Variants in MLLT3 observed in about 807,000 individuals in gnomAD.
The protein encoded by MLLT3 is MLLT3 super elongation complex subunit, also known as protein AF-9.
Under a neutral mutation model 53.2 loss-of-function variants are expected in MLLT3, and 4 were observed. That is an observed-to-expected ratio of 0.08 (90% CI 0.04 to 0.17). The LOEUF is 0.17. MLLT3 is among the 10% of genes least tolerant of loss of function. MLLT3 has a pLI of 1.00. For missense variants in MLLT3, 569 were observed against 684.0 expected (o/e 0.83, Z 1.87); for synonymous variants, 283 against 230.6 (o/e 1.23, Z -2.06).
intron 2 of MLLT3, among the ~76,000 whole-genome samples, chr9:20,463,195 T>C (rs1255473318): frequency 1.3e-5 from 2 of 152,082 alleles, no homozygotes; most frequent in Admixed American, 6.6e-5. Flanking sequence ...ATCTTAATGA[T>C]GATACATAAA....
rs34889625 is a variant in MLLT3 at position 20,372,554 on chromosome 9, A to AT, written c.1126-6811dup. Among the ~76,000 whole-genome samples the AT allele has an allele frequency of 2.9e-3, 236 of 82,226 alleles. 8 individuals carry two copies. Among genetic ancestry groups the AT allele is most frequent in the African/African-American group, 5.6e-3 (119 of 21,384 alleles). The allele number at this position is 82,226 out of a possible 152,430, so 53.9% of individuals were successfully genotyped here. A position where few individuals can be genotyped will look rare whatever the true frequency, so the allele number is the denominator to read the frequency against. On this transcript the variant is annotated intron_variant, in intron 5 of 10. Transcript: ENST00000380338. ...AGGCACCCGCCACCACGCCCGGCTA[A>AT]TTTTTTTTTTTTTTTTTTTTTTTTT...
intron 2 of MLLT3, among the ~76,000 whole-genome samples, chr9:20,607,239 C>T (rs1820594221): frequency 6.6e-6 from 1 of 152,070 alleles, no homozygotes; most frequent in South Asian, 2.1e-4. Context: ...AGTTTTAAAA[C>T]AATTACTTAA....
At chr9:20,401,561 T>C (rs1430171045) in intron 5 of MLLT3, among the ~76,000 whole-genome samples, 2 of 152,202 alleles carry the variant, frequency 1.3e-5, no homozygotes, top group African/African-American at 2.4e-5. Flanking sequence ...ATACTTTCCA[T>C]ATGCTTCTAA....
chr9:20,514,754 T>C (rs1419107451), intron 2 of MLLT3, among the ~76,000 whole-genome samples: 1 of 152,124 alleles, frequency 6.6e-6, no homozygotes, highest in African/African-American at 2.4e-5. Flanking sequence ...AGGAGTCGTT[T>C]GAGGAAATCA....
intron 10 of MLLT3, among the ~76,000 whole-genome samples, chr9:20,350,594 C>CAAA (rs774973521): frequency 1.6e-5 from 2 of 123,966 alleles, no homozygotes; most frequent in Non-Finnish European, 1.5e-5. Flanking sequence ...GACTCCGTCT[C>CAAA]AAAAAAAGAA....
rs184027308 is a variant in MLLT3 at position 20,476,032 on chromosome 9, T to G, written c.194-19246A>C. ...TTTATTTGATTCAAAAACAGGAAAA[T>G]TATTGTCTCAACATTAATGCGCTGT... On this transcript the variant is annotated intron_variant, in intron 2 of 10. Coordinates refer to ENST00000380338, the MANE Select transcript of MLLT3 (RefSeq NM_004529.4). Among the ~76,000 whole-genome samples, 114 of 152,162 alleles carry G rather than the reference T, an allele frequency of 7.5e-4. 1 individual carries two copies. In the South Asian group the frequency reaches 0.017, roughly 23 times the overall value.
intron 2 of MLLT3, among the ~76,000 whole-genome samples, chr9:20,478,394 T>C (rs902508297): frequency 6.6e-6 from 1 of 152,166 alleles, no homozygotes; most frequent in African/African-American, 2.4e-5. Flanking sequence ...AAACAATACC[T>C]GGCACAGAAG....
At chr9:20,483,426 T>C (rs1332091065) in intron 2 of MLLT3, among the ~76,000 whole-genome samples, 1 of 151,162 alleles carries the variant, frequency 6.6e-6, no homozygotes, top group African/African-American at 2.4e-5. Flanking sequence ...ACTTTAAGGA[T>C]CTCACTATGT....
chr9:20,481,071 T>G (rs1824650717), intron 2 of MLLT3, among the ~76,000 whole-genome samples: 3 of 152,170 alleles, frequency 2.0e-5, no homozygotes, highest in Admixed American at 2.0e-4. Context: ...AAAAACTAAG[T>G]ATTATTGGTA....
chr9:20,414,402 G>GCTGCTGCTGCTGCT lies in MLLT3; in HGVS notation c.443_444insAGCAGCAGCAGCAG (p.Ser149AlafsTer56). 1.2e-6 allele frequency: 2 copies of GCTGCTGCTGCTGCT among 1,607,924 alleles called. No individual in the cohort carries two copies. Among genetic ancestry groups the GCTGCTGCTGCTGCT allele is most frequent in the Non-Finnish European group, 1.7e-6 (2 of 1,179,802 alleles). On this transcript the variant is annotated frameshift_variant, in exon 5 of 11. Coordinates refer to ENST00000380338, the MANE Select transcript of MLLT3 (RefSeq NM_004529.4). LOFTEE classifies it high-confidence loss of function. ...TACTGCTGCTGCTGCTGCTGCTGCT[G>GCTGCTGCTGCTGCT]GTATGAATACTCCTATTAGGGTCCT...
At chr9:20,556,196 T>C (rs1819053186) in intron 2 of MLLT3, among the ~76,000 whole-genome samples, 1 of 152,232 alleles carries the variant, frequency 6.6e-6, no homozygotes. Context: ...TATCAGAATT[T>C]GTAATATAAT....
At chr9:20,557,404 T>C (rs981006090) in intron 2 of MLLT3, among the ~76,000 whole-genome samples, 5 of 152,182 alleles carry the variant, frequency 3.3e-5, no homozygotes, top group African/African-American at 1.2e-4. Flanking sequence ...TAATCAACAT[T>C]ACCTGATGGG....
At chr9:20,362,180 A>C (rs1821339470) in intron 7 of MLLT3, among the ~76,000 whole-genome samples, 1 of 152,190 alleles carries the variant, frequency 6.6e-6, no homozygotes. Flanking sequence ...GAACAAGAAA[A>C]GCAGCCCCCA....
At chr9:20,398,578 A>G (rs1822378761) in intron 5 of MLLT3, among the ~76,000 whole-genome samples, 1 of 152,122 alleles carries the variant, frequency 6.6e-6, no homozygotes, top group Non-Finnish European at 1.5e-5. Flanking sequence ...TAATTTCAAG[A>G]GCACTGTAAA....
At chr9:20,449,972 T>C (rs1474984020) in intron 3 of MLLT3, among the ~76,000 whole-genome samples, 1 of 152,190 alleles carries the variant, frequency 6.6e-6, no homozygotes, top group Non-Finnish European at 1.5e-5. Context: ...CCCAAGTGTA[T>C]CTCCAACCCA....
At position 20,581,023 on chromosome 9, in the gene MLLT3, A is replaced by T. The variant is rs558869681; in HGVS notation, c.193+39631T>A. On this transcript the variant is annotated intron_variant, in intron 2 of 10. Coordinates refer to ENST00000380338, the MANE Select transcript of MLLT3 (RefSeq NM_004529.4). ...TACAAAAGGATATTGCCAAATTCCA[A>T]TACAAAATGACTATGAACACACCCG... Among the ~76,000 whole-genome samples the T allele has an allele frequency of 2.0e-5, 3 of 152,390 alleles. No homozygotes were observed. In the East Asian group the frequency reaches 5.8e-4, roughly 29 times the overall value.
intron 4 of MLLT3, among the ~76,000 whole-genome samples, chr9:20,421,453 A>C (rs1218823270): frequency 6.6e-6 from 1 of 152,134 alleles, no homozygotes; most frequent in Non-Finnish European, 1.5e-5. Flanking sequence ...CCAAGTACAA[A>C]GCTAAACTTA....
intron 5 of MLLT3, among the ~76,000 whole-genome samples, chr9:20,380,863 T>C (rs1821892916): frequency 6.6e-6 from 1 of 151,990 alleles, no homozygotes; most frequent in Admixed American, 6.6e-5. Flanking sequence ...AGTGCTGTTT[T>C]CTTATAAACT....
chr9:20,485,050 G>A (rs552952625), intron 2 of MLLT3, among the ~76,000 whole-genome samples: 7 of 151,334 alleles, frequency 4.6e-5, no homozygotes, highest in African/African-American at 1.2e-4. Context: ...GTGCAGTGGC[G>A]CAATCTTGGC....
Sources: allele counts gnomAD v4.1 joint callset (sites outside exome capture counted in the v4.1 genomes callset), GRCh38; gene constraint gnomAD v4.1.1; transcripts MANE v1.5; gene names NCBI Gene and HGNC (gene_info 2026-07-23, HGNC 2026-07-21).